The following HS6ST3 variants were observed in gnomAD, a reference collection of about 807,000 sequenced individuals.
HS6ST3 encodes heparan-sulfate 6-O-sulfotransferase 3.
In HS6ST3, 12 loss-of-function variants were observed where a neutral mutation model predicts 36.7. The observed-to-expected ratio is 0.33, with a 90% CI of 0.21 to 0.53. The LOEUF is 0.53. Among genes scored for constraint, HS6ST3 ranks in the 20% least tolerant of loss-of-function variants. The pLI is 0.95. For synonymous variants in HS6ST3, 240 were observed against 257.5 expected (o/e 0.93, Z 0.65); for missense variants, 584 against 640.9 (o/e 0.91, Z 0.96).
chr13:96,268,369 G>A (rs1387322497), intron 1 of HS6ST3, among the ~76,000 whole-genome samples: 1 of 151,964 alleles, frequency 6.6e-6, no homozygotes, highest in Non-Finnish European at 1.5e-5. Flanking sequence ...GCAGGGAGAA[G>A]TGCAGAGTGA....
chr13:96,182,815 A>G (rs2054246008), intron 1 of HS6ST3, among the ~76,000 whole-genome samples: 1 of 152,148 alleles, frequency 6.6e-6, no homozygotes, highest in Non-Finnish European at 1.5e-5. Context: ...TGAACTAAAG[A>G]CCTCTGTGAG....
At chr13:96,560,270 C>T (rs974450115) in intron 1 of HS6ST3, among the ~76,000 whole-genome samples, 4 of 152,094 alleles carry the variant, frequency 2.6e-5, no homozygotes, top group African/African-American at 9.7e-5. Flanking sequence ...ATAATGTTAC[C>T]TTATGAGAAT....
At chr13:96,601,862 T>C (rs1439792348) in intron 1 of HS6ST3, among the ~76,000 whole-genome samples, 1 of 152,170 alleles carries the variant, frequency 6.6e-6, no homozygotes, top group African/African-American at 2.4e-5. Context: ...GTGCTTTCCA[T>C]GGCAAAGACT....
At chr13:96,633,081 T>G (rs2056537331) in intron 1 of HS6ST3, among the ~76,000 whole-genome samples, 1 of 152,208 alleles carries the variant, frequency 6.6e-6, no homozygotes, top group Non-Finnish European at 1.5e-5. Flanking sequence ...GTAGCAGAAT[T>G]GGCAGTGTGC....
intron 1 of HS6ST3, among the ~76,000 whole-genome samples, chr13:96,222,501 G>T (rs534586893): frequency 1.3e-5 from 2 of 152,330 alleles, no homozygotes; most frequent in Admixed American, 6.5e-5. Context: ...AACAAGATCA[G>T]CAAATGCTAA....
At chr13:96,617,758 A>G (rs1032591095) in intron 1 of HS6ST3, among the ~76,000 whole-genome samples, 1 of 152,178 alleles carries the variant, frequency 6.6e-6, no homozygotes, top group Non-Finnish European at 1.5e-5. Context: ...TCTCAAACCA[A>G]CTAGAGCAAC....
At chr13:96,200,538 C>T (rs2054336519) in intron 1 of HS6ST3, among the ~76,000 whole-genome samples, 1 of 152,190 alleles carries the variant, frequency 6.6e-6, no homozygotes, top group Non-Finnish European at 1.5e-5. Context: ...ACTTGGCCAT[C>T]TTTCCTCTTC....
chr13:96,459,100 T>TAAAAAAAAAAAAAAAAAAAAAAAAAAAAA (rs747439262), intron 1 of HS6ST3, among the ~76,000 whole-genome samples: 6 of 63,884 alleles, frequency 9.4e-5, no homozygotes, highest in South Asian at 5.8e-4. Flanking sequence ...CAAGACTGTC[T>TAAAAAAAAAAAAAAAAAAAAAAAAAAAAA]AAAAAAAAAA....
At chr13:96,822,923 A>G (rs1878567640) in intron 1 of HS6ST3, among the ~76,000 whole-genome samples, 1 of 152,222 alleles carries the variant, frequency 6.6e-6, no homozygotes, top group South Asian at 2.1e-4. Flanking sequence ...TTGACATTCC[A>G]GCTGTTCATT....
chr13:96,487,953 T>C (rs754003360), intron 1 of HS6ST3, among the ~76,000 whole-genome samples: 1 of 152,174 alleles, frequency 6.6e-6, no homozygotes, highest in Non-Finnish European at 1.5e-5. Flanking sequence ...CACCTGAGAC[T>C]GTCTAGTGTG....
At chr13:96,730,617 G>A (rs1432723749) in intron 1 of HS6ST3, among the ~76,000 whole-genome samples, 1 of 152,108 alleles carries the variant, frequency 6.6e-6, no homozygotes, top group Non-Finnish European at 1.5e-5. Flanking sequence ...GCCTAGGCTG[G>A]AGTACAGTGG....
chr13:96,140,097 C>G (rs1232999944), intron 1 of HS6ST3, among the ~76,000 whole-genome samples: 1 of 151,912 alleles, frequency 6.6e-6, no homozygotes, highest in African/African-American at 2.4e-5. Flanking sequence ...CAGATAGATA[C>G]CAGTCTATTT....
intron 1 of HS6ST3, among the ~76,000 whole-genome samples, chr13:96,412,741 A>G (rs2055514025): frequency 6.6e-6 from 1 of 152,076 alleles, no homozygotes; most frequent in African/African-American, 2.4e-5. Flanking sequence ...CAGTAGAAAC[A>G]TCTCCAACTC....
chr13:96,300,164 C>A (rs1477887274), intron 1 of HS6ST3, among the ~76,000 whole-genome samples: 1 of 143,202 alleles, frequency 7.0e-6, no homozygotes, highest in Non-Finnish European at 1.5e-5. Flanking sequence ...TCAAGCAATT[C>A]TCCTGCCTCA....
chr13:96,466,791 A>C (rs1022105900), intron 1 of HS6ST3, among the ~76,000 whole-genome samples: 3 of 151,862 alleles, frequency 2.0e-5, no homozygotes, highest in Admixed American at 1.3e-4. Context: ...ATTATATTTT[A>C]ATAGAGCTAA....
chr13:96,371,885 T>G (rs920058083), intron 1 of HS6ST3, among the ~76,000 whole-genome samples: 1 of 152,212 alleles, frequency 6.6e-6, no homozygotes, highest in Non-Finnish European at 1.5e-5. Flanking sequence ...TCCATTCACC[T>G]GTTCGTGGAC....
At chr13:96,642,573 T>C (rs933137061) in intron 1 of HS6ST3, among the ~76,000 whole-genome samples, 3 of 151,894 alleles carry the variant, frequency 2.0e-5, no homozygotes, top group Non-Finnish European at 4.4e-5. Context: ...GCTCTGCTAG[T>C]TTCCTTTTAT....
intron 1 of HS6ST3, among the ~76,000 whole-genome samples, chr13:96,363,786 G>A (rs978525607): frequency 5.3e-5 from 8 of 152,120 alleles, no homozygotes; most frequent in Non-Finnish European, 1.5e-5. Flanking sequence ...AGGAAAGGGT[G>A]AGATGAAAAT....
chr13:96,191,954 G>A (rs764081857), intron 1 of HS6ST3, among the ~76,000 whole-genome samples: 1 of 152,198 alleles, frequency 6.6e-6, no homozygotes, highest in Non-Finnish European at 1.5e-5. Context: ...TTTCGAGTCA[G>A]AGAGCATAGG....
Sources: allele counts gnomAD v4.1 joint callset (sites outside exome capture counted in the v4.1 genomes callset), GRCh38; gene constraint gnomAD v4.1.1; transcripts MANE v1.5; gene names NCBI Gene and HGNC (gene_info 2026-07-23, HGNC 2026-07-21).